Variants in MEF2C observed in about 807,000 individuals in gnomAD.
MEF2C encodes the protein myocyte enhancer factor 2C.
Under a neutral mutation model 50.5 loss-of-function variants are expected in MEF2C, and 6 were observed. The observed-to-expected ratio is 0.12, with a 90% confidence interval of 0.07 to 0.23. The LOEUF is 0.23. MEF2C is among the 10% of genes least tolerant of loss of function. The pLI, the probability that MEF2C is intolerant of heterozygous loss-of-function variation, is 1.00. For synonymous variants in MEF2C, 183 were observed against 228.0 expected, an observed-to-expected ratio of 0.80 and a Z score of 1.78; for missense variants, 276 against 605.0, an observed-to-expected ratio of 0.46 and a Z score of 5.70.
intron 3 of MEF2C, chr5:88,766,816 C>T: frequency 1.0e-6 from 1 of 985,364 alleles, no homozygotes; most frequent in Middle Eastern, 5.2e-4. Flanking sequence ...GCATCAATGT[C>T]ATGTTCACAC....
intron 1 of MEF2C, among the ~76,000 whole-genome samples, chr5:88,832,866 G>T (rs1273365317): frequency 6.6e-6 from 1 of 152,032 alleles, no homozygotes; most frequent in African/African-American, 2.4e-5. Context: ...TCATCTGCTG[G>T]TACTTGATGC....
At chr5:88,876,933 A>C (rs1831247296) in intron 1 of MEF2C, among the ~76,000 whole-genome samples, 1 of 152,010 alleles carries the variant, frequency 6.6e-6, no homozygotes, top group African/African-American at 2.4e-5. Flanking sequence ...ATTTGGAAAA[A>C]GCAGGTTCTC....
At chr5:88,752,877 G>T in intron 4 of MEF2C, 2 of 527,190 alleles carry the variant, frequency 3.8e-6, no homozygotes, top group Non-Finnish European at 4.9e-6. Context: ...CATAATTGTA[G>T]CTACTTTTTT....
chr5:88,875,042 T>A (rs189523946), intron 1 of MEF2C, among the ~76,000 whole-genome samples: 77 of 152,070 alleles, frequency 5.1e-4, no homozygotes, highest in Non-Finnish European at 6.5e-4. Context: ...TAGGATTTTT[T>A]AAAAATCACA....
At chr5:88,882,651 T>C (rs1833282119) in intron 1 of MEF2C, among the ~76,000 whole-genome samples, 1 of 152,178 alleles carries the variant, frequency 6.6e-6, no homozygotes, top group Admixed American at 6.6e-5. Context: ...CGCTCCACCA[T>C]ATCAAACATG....
At chr5:88,779,576 T>C (rs1409887652) in intron 3 of MEF2C, among the ~76,000 whole-genome samples, 1 of 149,710 alleles carries the variant, frequency 6.7e-6, no homozygotes, top group Non-Finnish European at 1.5e-5. Flanking sequence ...CATGTATATG[T>C]GAATATATGT....
At chr5:88,768,779 A>C in intron 3 of MEF2C, 1 of 688,880 alleles carries the variant, frequency 1.5e-6, no homozygotes, top group Non-Finnish European at 1.8e-6. Flanking sequence ...ACCATTTCAC[A>C]CTACGTTAAA....
intron 2 of MEF2C, among the ~76,000 whole-genome samples, chr5:88,811,855 G>T (rs1251876453): frequency 6.6e-6 from 1 of 152,058 alleles, no homozygotes; most frequent in Non-Finnish European, 1.5e-5. Context: ...AATGTAGAAA[G>T]AAAAACATAA....
intron 1 of MEF2C, among the ~76,000 whole-genome samples, chr5:88,867,000 G>A (rs1827605061): frequency 6.6e-6 from 1 of 152,182 alleles, no homozygotes; most frequent in Non-Finnish European, 1.5e-5. Context: ...AGACAGTGAT[G>A]ACATAAAACG....
At chr5:88,778,454 A>G (rs1434243822) in intron 3 of MEF2C, among the ~76,000 whole-genome samples, 4 of 152,138 alleles carry the variant, frequency 2.6e-5, no homozygotes, top group Admixed American at 6.5e-5. Context: ...CAGATGGGGG[A>G]TGCAAAGGCT....
intron 4 of MEF2C, among the ~76,000 whole-genome samples, chr5:88,757,412 T>G: frequency 6.6e-6 from 1 of 151,836 alleles, no homozygotes; most frequent in Non-Finnish European, 1.5e-5. Flanking sequence ...TGGGCTGTAG[T>G]AGAGGAAAAA....
chr5:88,780,332 T>C (rs1231013142), intron 3 of MEF2C, among the ~76,000 whole-genome samples: 1 of 152,210 alleles, frequency 6.6e-6, no homozygotes, highest in African/African-American at 2.4e-5. Context: ...AGTTCAGAAC[T>C]ATAAATTTGT....
At chr5:88,805,779 T>TCAGC (rs1358699139) in intron 2 of MEF2C, among the ~76,000 whole-genome samples, 2 of 151,008 alleles carry the variant, frequency 1.3e-5, no homozygotes. Context: ...TAATTGAACT[T>TCAGC]CAGCTTGTTG....
At chr5:88,865,065 T>A (rs758288285) in intron 1 of MEF2C, among the ~76,000 whole-genome samples, 26 of 148,922 alleles carry the variant, frequency 1.7e-4, no homozygotes, top group Non-Finnish European at 3.6e-4. Context: ...CCTGGCCATT[T>A]AAAAAAAAAA....
intron 1 of MEF2C, chr5:88,825,814 A>G (rs1045410876): frequency 6.1e-6 from 1 of 165,164 alleles, no homozygotes; most frequent in Non-Finnish European, 1.2e-5. Flanking sequence ...AAGCCAATCC[A>G]TGAATCCACA....
chr5:88,832,732 T>C (rs553887371), intron 1 of MEF2C, among the ~76,000 whole-genome samples: 5 of 152,304 alleles, frequency 3.3e-5, no homozygotes, highest in African/African-American at 9.6e-5. Flanking sequence ...AACAGTTAAA[T>C]TAATCCCACT....
chr5:88,900,209 T>C (rs1268431574), intron 1 of MEF2C, among the ~76,000 whole-genome samples: 2 of 151,884 alleles, frequency 1.3e-5, no homozygotes, highest in Non-Finnish European at 1.5e-5. Flanking sequence ...GCACAAATAT[T>C]ATCAACAAAT....
intron 6 of MEF2C, chr5:88,736,073 C>T (rs2152342800): frequency 1.0e-6 from 1 of 985,338 alleles, no homozygotes; most frequent in East Asian, 1.1e-4. Context: ...CTTCTATTAT[C>T]CCCTCTCCTC....
intron 1 of MEF2C, chr5:88,881,306 G>A (rs1177809710): frequency 1.3e-5 from 2 of 152,134 alleles, no homozygotes; most frequent in Non-Finnish European, 2.9e-5. Context: ...GTTAGATAGG[G>A]ACATCTCATT....
Sources: allele counts gnomAD v4.1 joint callset (sites outside exome capture counted in the v4.1 genomes callset), GRCh38; gene constraint gnomAD v4.1.1; transcripts MANE v1.5; gene names NCBI Gene and HGNC (gene_info 2026-07-23, HGNC 2026-07-21).